Variants in ALMS1 observed in about 807,000 individuals in gnomAD.
The protein encoded by ALMS1 is centrosome-associated protein ALMS1.
ALMS1 carries 271 observed loss-of-function variants against 352.2 expected under a neutral mutation model. The ratio of observed to expected loss-of-function variants is 0.77; its 90% CI spans 0.70 to 0.85. ALMS1 has a LOEUF of 0.85. Among genes scored for constraint, ALMS1 ranks in the 40% least tolerant of loss-of-function variants. The pLI is 0.00. For missense variants in ALMS1, 5,445 were observed against 4,870.7 expected, an observed-to-expected ratio of 1.12 and a Z score of -3.51; for synonymous variants, 1,865 against 1,761.2, an observed-to-expected ratio of 1.06 and a Z score of -1.48.
Position 73,513,453 on chromosome 2 carries a change from A to T in ALMS1, c.9540-6322A>T, listed in dbSNP as rs1673493529. On this transcript the variant is annotated intron_variant, in intron 10 of 22. Transcript: ENST00000613296. Reference sequence around the variant, plus strand: ...CATCTTGTTTAGGATTTGACTCAAGATGTCAGGCTACGCCATTTAGACAGC... The same window carrying T: ...CATCTTGTTTAGGATTTGACTCAAGTTGTCAGGCTACGCCATTTAGACAGC... Among the ~76,000 whole-genome samples the T allele has an allele frequency of 2.6e-5, 4 of 152,084 alleles. No individual in the cohort carries two copies. In the South Asian group the frequency reaches 8.3e-4, roughly 31 times the overall value.
At chr2:73,532,816 A>G (rs950235854) in intron 11 of ALMS1, among the ~76,000 whole-genome samples, 8 of 152,064 alleles carry the variant, frequency 5.3e-5, no homozygotes, top group African/African-American at 7.2e-5. Context: ...CCTCATAGCC[A>G]CCATAGCTGG....
At chr2:73,488,346 C>T (rs780388) in intron 9 of ALMS1, among the ~76,000 whole-genome samples, 19,211 of 152,252 alleles carry the variant, frequency 0.13, 1,313 homozygotes, top group East Asian at 0.22. Context: ...GGCTGGGTCG[C>T]AACAGTGCCT....
chr2:73,552,909 A>AT (rs983044016), intron 13 of ALMS1, among the ~76,000 whole-genome samples: 1 of 152,220 alleles, frequency 6.6e-6, no homozygotes, highest in East Asian at 1.9e-4. Context: ...AAGGGAAAAG[A>AT]TTTTTTAAAA....
chr2:73,422,812 T>C (rs758214323), intron 3 of ALMS1, 45 bp from the exon 4 acceptor site: 1 of 1,467,550 alleles, frequency 6.8e-7, no homozygotes. Flanking sequence ...AAGTAAATAA[T>C]CAATTTTCAG....
At position 73,572,443 on chromosome 2, in the gene ALMS1, T is replaced by C. The variant is rs778554206; in HGVS notation, c.10566T>C (p.His3522=). 1 of 1,613,900 alleles carries C rather than the reference T, an allele frequency of 6.2e-7. No homozygotes were observed. Among genetic ancestry groups the C allele is most frequent in the Admixed American group, 1.7e-5 (1 of 59,970 alleles). The change falls in exon 16 of 23, where the codon CAT becomes CAC. Residue 3522 remains histidine, a synonymous_variant. Transcript: ENST00000613296. ...TCTTTCAGCATCATCCAGACAAACA[T>C]AGAGAACACATGTGTCTTCCTCTTC... The part of the protein sequence containing the change: ...KDFFQHHPDK[H]REHMCLPLPY...
At chr2:73,443,478 C>A (rs1195672588) in intron 7 of ALMS1, among the ~76,000 whole-genome samples, 1 of 152,090 alleles carries the variant, frequency 6.6e-6, no homozygotes, top group Non-Finnish European at 1.5e-5. Context: ...CACTGTTCAC[C>A]ATGACTCTTT....
chr2:73,419,059 A>G, intron 2 of ALMS1, 64 bp from the exon 3 acceptor site: 1 of 1,349,496 alleles, frequency 7.4e-7, no homozygotes, highest in South Asian at 1.2e-5. Context: ...ATTTTCATCT[A>G]AATATTAATA....
At chr2:73,492,447 G>A (rs1222256606) in intron 10 of ALMS1, among the ~76,000 whole-genome samples, 1 of 152,016 alleles carries the variant, frequency 6.6e-6, no homozygotes, top group Non-Finnish European at 1.5e-5. Flanking sequence ...GTTGTTTGTG[G>A]GCAAGAGAAA....
At chr2:73,507,192 T>G (rs1673345279) in intron 10 of ALMS1, among the ~76,000 whole-genome samples, 1 of 152,216 alleles carries the variant, frequency 6.6e-6, no homozygotes, top group Non-Finnish European at 1.5e-5. Flanking sequence ...AGTATTTTAT[T>G]GAGGATTTTT....
chr2:73,523,268 T>A (rs116225581), intron 11 of ALMS1, among the ~76,000 whole-genome samples: 2,473 of 152,284 alleles, frequency 0.016, 68 homozygotes, highest in African/African-American at 0.056. Context: ...TTATTTATTT[T>A]TTAGGTTTAG....
chr2:73,477,054 T>G (rs892519222), intron 9 of ALMS1, among the ~76,000 whole-genome samples: 1 of 152,100 alleles, frequency 6.6e-6, no homozygotes. Flanking sequence ...TTTTCTCCCA[T>G]TTTCTAGGTT....
At chr2:73,550,131 A>G in intron 12 of ALMS1, 136 bp from the exon 13 acceptor site, 1 of 844,494 alleles carries the variant, frequency 1.2e-6, no homozygotes, top group East Asian at 2.7e-5. Context: ...AAGTGCTGGG[A>G]TTACAGGCAT....
Position 73,424,663 on chromosome 2 carries a change from C to T in ALMS1, c.998C>T (p.Pro333Leu). The change falls in exon 5 of 23, where the codon CCC becomes CTC. Residue 333 changes from proline to leucine, a missense_variant. Pro to Leu is a moderately conservative substitution (Grantham distance 98). Coordinates refer to ENST00000613296, the MANE Select transcript of ALMS1 (RefSeq NM_001378454.1). ...TCGTCTGTTGATGAACTGAAAATTCCCAAAGACTGTGATCGTTATGATGAT... is the reference window on the plus strand; with the variant it reads ...TCGTCTGTTGATGAACTGAAAATTCTCAAAGACTGTGATCGTTATGATGAT... ...TISSVDELKIPKDCDRYDDLC... is the reference protein window; with the variant it reads ...TISSVDELKILKDCDRYDDLC... The T allele has an allele frequency of 6.2e-7, 1 of 1,613,972 alleles. No individual in the cohort carries two copies. The highest frequency in any genetic ancestry group is 2.2e-5 in the East Asian group (1 of 44,860).
In ALMS1 at chr2:73,519,932, G is replaced by A; in HGVS notation, c.9697G>A (p.Gly3233Ser). 1 of 1,614,052 alleles carries A rather than the reference G, an allele frequency of 6.2e-7. No individual in the cohort carries two copies. The highest frequency in any genetic ancestry group is 8.5e-7 in the Non-Finnish European group (1 of 1,179,958). The change falls in exon 11 of 23, where the codon GGT (glycine) becomes AGT (serine). Residue 3233 changes from glycine (G) to serine (S), a missense_variant. Coordinates refer to ENST00000613296, the MANE Select transcript of ALMS1 (RefSeq NM_001378454.1). ...EDRGHEIIEPGNQKLRKAPVK... is the reference protein window; with the variant it reads ...EDRGHEIIEPSNQKLRKAPVK... ...TCGTGGACATGAAATTATAGAGCCT[G>A]GTAACCAGAAGCTACGCAAAGCTCC...
chr2:73,406,929 T>G (rs543359835), intron 1 of ALMS1, among the ~76,000 whole-genome samples: 1 of 152,328 alleles, frequency 6.6e-6, no homozygotes, highest in South Asian at 2.1e-4. Flanking sequence ...CTGGCCAAAG[T>G]TATTAGTACC....
At chr2:73,500,158 T>C (rs1158914059) in intron 10 of ALMS1, among the ~76,000 whole-genome samples, 3 of 152,248 alleles carry the variant, frequency 2.0e-5, no homozygotes, top group Admixed American at 6.5e-5. Flanking sequence ...TGACGTGTTA[T>C]GAAATGACAA....
chr2:73,421,069 C>G lies in ALMS1; in HGVS notation c.646+1751C>G, dbSNP rs1671273354. 2.6e-5 allele frequency among the ~76,000 whole-genome samples: 4 copies of G among 152,180 alleles called. No individual in the cohort carries two copies. In the South Asian group the frequency reaches 8.3e-4, roughly 31 times the overall value. On this transcript the variant is annotated intron_variant, in intron 3 of 22. Transcript: ENST00000613296. The stretch of plus-strand genomic sequence containing the variant: ...GTTGTACACTTGAGAATCATTAACT[C>G]TTCAGCTTTGGCCTGCTCCTTTAGC...
In ALMS1 at chr2:73,519,696, GA is replaced by G. The variant is rs1462416024; in HGVS notation, c.9540-76del. On this transcript the variant is annotated intron_variant, in intron 10 of 22. Coordinates refer to ENST00000613296, the MANE Select transcript of ALMS1 (RefSeq NM_001378454.1). ...TCCTATAGCTACTTAAATATTCCTT[GA>G]AACCACTTTTGGAAAGAGATTTCAG... is the stretch of plus-strand genomic sequence containing the variant. 6 of 1,593,984 alleles carry G rather than the reference GA, an allele frequency of 3.8e-6. No individual in the cohort carries two copies. In the East Asian group the frequency reaches 1.1e-4, roughly 30 times the overall value.
At chr2:73,422,698 A>G (rs1671307606) in intron 3 of ALMS1, among the ~76,000 whole-genome samples, 159 bp from the exon 4 acceptor site, 2 of 152,194 alleles carry the variant, frequency 1.3e-5, no homozygotes, top group Admixed American at 6.5e-5. Context: ...CAGACTCTCA[A>G]TAAATGGTAG....
Sources: gnomAD v4.1 joint callset for allele counts (sites outside exome capture counted in the v4.1 genomes callset) on GRCh38, gnomAD v4.1.1 for gene constraint, MANE v1.5 for transcripts, NCBI Gene and HGNC (gene_info 2026-07-23, HGNC 2026-07-21) for gene names.